PUS10: variants seen among roughly 807,000 people sequenced by gnomAD.
PUS10 encodes the protein pseudouridine synthase 10.
PUS10 carries 59 observed loss-of-function variants against 75.0 expected under a neutral mutation model. The ratio of observed to expected loss-of-function variants is 0.79; its 90% CI spans 0.64 to 0.98. The LOEUF (loss-of-function observed/expected upper bound fraction) is 0.98. Ranked by LOEUF, PUS10 falls within the 50% of genes least tolerant of loss-of-function variation. The probability of loss-of-function intolerance (pLI) is 0.00; values close to 1 mark genes in which losing one functional copy is unlikely to be tolerated. For synonymous variants in PUS10, 219 were observed against 211.6 expected (o/e 1.03, Z -0.30); for missense variants, 650 against 614.4 (o/e 1.06, Z -0.61).
At chr2:61,008,655 A>T in intron 3 of PUS10, 106 bp downstream of exon 3, 1 of 997,518 alleles carries the variant, frequency 1.0e-6, no homozygotes, top group South Asian at 1.8e-5. Context: ...ATGAGACCCA[A>T]AAAAGAATTG....
chr2:61,007,507 G>A (rs1234539704), intron 3 of PUS10, among the ~76,000 whole-genome samples: 3 of 151,966 alleles, frequency 2.0e-5, no homozygotes, highest in East Asian at 1.9e-4. Context: ...GGTGGCTCAC[G>A]CCTATAATCC....
intron 4 of PUS10, among the ~76,000 whole-genome samples, chr2:60,992,951 C>T (rs879434118): frequency 2.6e-5 from 4 of 152,124 alleles, no homozygotes; most frequent in Non-Finnish European, 5.9e-5. Flanking sequence ...CTTTAATTTG[C>T]CATGGATTTA....
intron 4 of PUS10, among the ~76,000 whole-genome samples, chr2:61,006,270 T>C (rs760810158): frequency 1.3e-5 from 2 of 152,212 alleles, no homozygotes; most frequent in Admixed American, 6.5e-5. Context: ...CTGACCATCA[T>C]GCCTCACATG....
At chr2:60,954,290 A>G in intron 12 of PUS10, 132 bp from the exon 13 acceptor site, 1 of 731,020 alleles carries the variant, frequency 1.4e-6, no homozygotes, top group Non-Finnish European at 2.4e-6. Flanking sequence ...ACATGACTAC[A>G]TCTGAGGGAG....
chr2:61,015,437 T>C (rs952643333), intron 1 of PUS10, among the ~76,000 whole-genome samples: 4 of 151,848 alleles, frequency 2.6e-5, no homozygotes, highest in Admixed American at 1.3e-4. Context: ...TAGGTGGAGG[T>C]TGCAGTAAGC....
intron 4 of PUS10, 45 bp downstream of exon 4, chr2:61,006,512 T>A (rs764566042): frequency 5.3e-5 from 70 of 1,327,252 alleles, no homozygotes; most frequent in Non-Finnish European, 6.8e-5. Flanking sequence ...GAGAAATTCC[T>A]AGCATGCACT....
intron 1 of PUS10, chr2:61,017,676 C>A: frequency 9.0e-7 from 1 of 1,111,318 alleles, no homozygotes; most frequent in Non-Finnish European, 1.3e-6. Context: ...GTGTTCTGCC[C>A]GTTGTGTCTT....
At chr2:61,009,909 C>G (rs1437241394) in intron 2 of PUS10, 1 of 152,170 alleles carries the variant, frequency 6.6e-6, no homozygotes, top group Admixed American at 6.6e-5. Flanking sequence ...AATATACATA[C>G]ATACATACAT....
intron 15 of PUS10, among the ~76,000 whole-genome samples, chr2:60,949,596 A>T (rs1675211288): frequency 6.6e-6 from 1 of 152,102 alleles, no homozygotes; most frequent in African/African-American, 2.4e-5. Context: ...GATGCTCCTG[A>T]AGAGGGGATA....
At chr2:60,978,281 G>A (rs1473895633) in intron 4 of PUS10, among the ~76,000 whole-genome samples, 1 of 151,958 alleles carries the variant, frequency 6.6e-6, no homozygotes, top group Non-Finnish European at 1.5e-5. Flanking sequence ...AATTAGCCGG[G>A]TGTGGTGGTG....
intron 1 of PUS10, among the ~76,000 whole-genome samples, chr2:61,014,579 A>G (rs1679845586): frequency 6.6e-6 from 1 of 152,148 alleles, no homozygotes; most frequent in Non-Finnish European, 1.5e-5. Flanking sequence ...AAACAACCTA[A>G]TTTGTTCAGC....
chr2:60,949,621 A>G (rs1054962844), intron 15 of PUS10, among the ~76,000 whole-genome samples: 4 of 152,178 alleles, frequency 2.6e-5, no homozygotes, highest in Admixed American at 1.3e-4. Context: ...GTAAATTTGA[A>G]ATGACTTTTT....
intron 3 of PUS10, among the ~76,000 whole-genome samples, chr2:61,008,203 T>C (rs1028056030): frequency 6.6e-6 from 1 of 151,106 alleles, no homozygotes; most frequent in Non-Finnish European, 1.5e-5. Context: ...CACAGTAACA[T>C]AGGGAGATCC....
intron 4 of PUS10, among the ~76,000 whole-genome samples, chr2:60,973,055 C>G (rs989057669): frequency 6.6e-6 from 1 of 152,218 alleles, no homozygotes; most frequent in African/African-American, 2.4e-5. Flanking sequence ...CTCCACATCC[C>G]CGAGGCAGCC....
intron 4 of PUS10, among the ~76,000 whole-genome samples, chr2:60,972,273 C>G (rs1676735018): frequency 6.7e-6 from 1 of 150,048 alleles, no homozygotes; most frequent in East Asian, 2.0e-4. Context: ...ACCATCCTGG[C>G]TAACACGGTG....
chr2:60,965,290 G>A (rs1676267660), intron 7 of PUS10, 133 bp downstream of exon 7: 19 of 988,406 alleles, frequency 1.9e-5, no homozygotes, highest in Non-Finnish European at 2.8e-5. Flanking sequence ...TTTTTTTGAG[G>A]GCACATTTTA....
At chr2:60,949,555 C>T (rs1225988751) in intron 15 of PUS10, among the ~76,000 whole-genome samples, 2 of 151,738 alleles carry the variant, frequency 1.3e-5, no homozygotes, top group Admixed American at 6.6e-5. Flanking sequence ...CACACACATA[C>T]GCTTGTTTTT....
At position 60,953,997 on chromosome 2, in the gene PUS10, G is replaced by A. The variant is rs752080521; in HGVS notation, c.1135-9C>T. 2.5e-6 allele frequency: 4 copies of A among 1,611,772 alleles called. No individual in the cohort carries two copies. Among genetic ancestry groups the A allele is most frequent in the Non-Finnish European group, 3.4e-6 (4 of 1,177,826 alleles). The stretch of plus-strand genomic sequence containing the variant: ...GATGAGTTATTAATTTTCTGTAGTA[G>A]CAGAAAAAGAAAAACAATTAGCAAG... On this transcript the variant is annotated splice_polypyrimidine_tract_variant and intron_variant, in intron 13 of 17. Transcript: ENST00000316752.
At chr2:60,985,105 A>G (rs956860427) in intron 4 of PUS10, among the ~76,000 whole-genome samples, 2 of 152,220 alleles carry the variant, frequency 1.3e-5, no homozygotes, top group Non-Finnish European at 2.9e-5. Flanking sequence ...AAAACTCACA[A>G]CCAATTATCT....
Sources: gnomAD v4.1 joint callset for allele counts (sites outside exome capture counted in the v4.1 genomes callset) on GRCh38, gnomAD v4.1.1 for gene constraint, MANE v1.5 for transcripts, NCBI Gene and HGNC (gene_info 2026-07-23, HGNC 2026-07-21) for gene names.